The following SLC5A10 variants were observed in gnomAD, a reference collection of about 807,000 sequenced individuals.
SLC5A10 encodes the protein solute carrier family 5 member 10.
In SLC5A10, 55 loss-of-function variants were observed where a neutral mutation model predicts 68.9. The observed-to-expected ratio is 0.80, with a 90% CI of 0.64 to 1.00. The LOEUF is 1.00. Among genes scored for constraint, SLC5A10 ranks in the 50% least tolerant of loss-of-function variants. The pLI is 0.00. For missense variants in SLC5A10, 732 were observed against 819.3 expected, an observed-to-expected ratio of 0.89 and a Z score of 1.30; for synonymous variants, 344 against 344.8, an observed-to-expected ratio of 1.00 and a Z score of 0.02.
rs372313873 is a variant in SLC5A10, at chr17:18,959,606, C to T, written c.291C>T (p.Ala97=). Residue 97 remains alanine, a splice_region_variant and synonymous_variant, in exon 4 of 15, where the codon GCC becomes GCT. Coordinates refer to ENST00000395645, the MANE Select transcript of SLC5A10 (RefSeq NM_001042450.4). The part of the protein sequence containing the change: ...GLAVAGFEWN[A]TYVLLALAWV... ...CTCACCTGTCTCTGTCCCCATAGGC[C>T]ACGTACGTGCTGCTGGCACTGGCAT... The T allele has an allele frequency of 3.7e-6, 6 of 1,613,716 alleles. No homozygotes were observed. In the African/African-American group the frequency reaches 6.7e-5, roughly 18 times the overall value.
intron 9 of SLC5A10, among the ~76,000 whole-genome samples, chr17:19,007,386 T>G (rs948728675): frequency 6.6e-6 from 1 of 152,166 alleles, no homozygotes; most frequent in African/African-American, 2.4e-5. Flanking sequence ...TTTTTAACTC[T>G]TGAGTTTTAA....
chr17:18,977,932 C>G, intron 9 of SLC5A10: 2 of 1,608,406 alleles, frequency 1.2e-6, no homozygotes, highest in Non-Finnish European at 1.7e-6. Context: ...CTTCTTCCAC[C>G]CCATCCAGCC....
rs1328280100 is a variant in SLC5A10, at chr17:19,022,006, G to A, written c.*1575G>A. 12 of 1,594,348 alleles carry A rather than the reference G, an allele frequency of 7.5e-6. No homozygotes were observed. The highest frequency in any genetic ancestry group is 1.4e-5 in the African/African-American group (1 of 73,902). On this transcript the variant is annotated 3_prime_UTR_variant, in exon 15 of 15. Transcript: ENST00000395645. ...TAACTCCGTGGGAAGAAGCCAACGC[G>A]CCCGCAGGACCGGCCCCGCCACCAG...
At chr17:18,979,286 A>G (rs2043068881) in intron 9 of SLC5A10, 1 of 519,922 alleles carries the variant, frequency 1.9e-6, no homozygotes, top group South Asian at 2.3e-5. Flanking sequence ...AGTGACCCCC[A>G]TAGGCTTGCG....
At chr17:18,955,987 G>A (rs2042490867) in intron 1 of SLC5A10, among the ~76,000 whole-genome samples, 1 of 152,140 alleles carries the variant, frequency 6.6e-6, no homozygotes, top group Non-Finnish European at 1.5e-5. Flanking sequence ...CTGAGGTCGG[G>A]AGTCCAAGAC....
chr17:18,977,169 G>C, intron 9 of SLC5A10, 180 bp downstream of exon 9: 1 of 828,854 alleles, frequency 1.2e-6, no homozygotes, highest in South Asian at 1.8e-5. Flanking sequence ...ATGTGGCTTG[G>C]CACAAGGTCT....
At position 19,018,003 on chromosome 17, in the gene SLC5A10, CGGGGT is replaced by C. The variant is rs1388807782; in HGVS notation, c.1242-1416_1242-1412del. On this transcript the variant is annotated intron_variant, in intron 11 of 14. Transcript: ENST00000395645. The surrounding 1 kb of genome is among the most constrained non-coding windows in gnomAD (Gnocchi z 4.2). The stretch of plus-strand genomic sequence containing the variant: ...GGGCGGGAGAGCTGTGTGCAGAGGG[CGGGGT>C]GGGCAGGCGTTAATGGAGGCCCGCC... 6.6e-6 allele frequency: 1 copy of C among 152,530 alleles called. No individual in the cohort carries two copies. Among genetic ancestry groups the C allele is most frequent in the Non-Finnish European group, 1.5e-5 (1 of 68,410 alleles). The allele number at this position is 152,530 out of a possible 1,614,324, so 9.4% of individuals were successfully genotyped here.
In SLC5A10 at chr17:18,955,085, CAAAAAAAAAAAA is replaced by C. The variant is rs398041580; in HGVS notation, c.111+2783_111+2794del. ...TGGGCAAAAGAGTGAAACACTGTAT[CAAAAAAAAAAAA>C]AAAAAAAAAAAAAGAATTCAGGAAA... On this transcript the variant is annotated intron_variant, in intron 1 of 14. Transcript: ENST00000395645. 8.4e-5 allele frequency among the ~76,000 whole-genome samples: 10 copies of C among 118,802 alleles called. No individual in the cohort carries two copies. The East Asian group carries it at 1.6e-3, about 19-fold the overall frequency. The allele number at this position is 118,802 out of a possible 152,430, so 77.9% of individuals were successfully genotyped here. A position where few individuals can be genotyped will look rare whatever the true frequency, so the allele number is the denominator to read the frequency against.
In SLC5A10 at chr17:19,022,050, A is replaced by G; in HGVS notation, c.*1619A>G. ...CCACCAGTGGGGGTCTGGGCGCTCC[A>G]GGACCTCAATGATGTCGCCACGGCG... On this transcript the variant is annotated 3_prime_UTR_variant, in exon 15 of 15. Coordinates refer to ENST00000395645, the MANE Select transcript of SLC5A10 (RefSeq NM_001042450.4). 1 of 1,597,594 alleles carries G rather than the reference A, an allele frequency of 6.3e-7. No individual in the cohort carries two copies. Among genetic ancestry groups the G allele is most frequent in the Non-Finnish European group, 8.5e-7 (1 of 1,172,928 alleles).
chr17:19,019,445 G>T lies in SLC5A10; in HGVS notation c.1264G>T (p.Gly422Cys), dbSNP rs1450425478. ...VGRLVIVALI[G>C]VSVAWIPVLQ... ...CAGGCTGGTCATAGTGGCACTCATC[G>T]GCGTGAGTGTGGCCTGGATCCCCGT... Residue 422 changes from glycine (G) to cysteine (C), a missense_variant, in exon 12 of 15, where the codon GGC becomes TGC. Physicochemically the swap from Gly to Cys is radical, Grantham distance 159. Coordinates refer to ENST00000395645, the MANE Select transcript of SLC5A10 (RefSeq NM_001042450.4). 1.9e-6 allele frequency: 3 copies of T among 1,611,226 alleles called. No homozygotes were observed. The African/African-American group carries it at 4.0e-5, about 21-fold the overall frequency.
At chr17:19,013,131 C>T (rs1004647644) in intron 9 of SLC5A10, among the ~76,000 whole-genome samples, 8 of 152,316 alleles carry the variant, frequency 5.3e-5, no homozygotes, top group Admixed American at 2.6e-4. Flanking sequence ...ACTCTAATGG[C>T]GGACCTCACA....
At position 19,020,156 on chromosome 17, in the gene SLC5A10, T is replaced by C. The variant is rs2044236213; in HGVS notation, c.1628T>C (p.Ile543Thr). 1 of 1,368,504 alleles carries C rather than the reference T, an allele frequency of 7.3e-7. No homozygotes were observed. Among genetic ancestry groups the C allele is most frequent in the Non-Finnish European group, 9.7e-7 (1 of 1,029,730 alleles). The allele number at this position is 1,368,504 out of a possible 1,614,324, so 84.8% of individuals were successfully genotyped here. ...LLTPPPQSVQ[I>T]ENLTWWTLAQ... ...CCTATCCTCACTCATTTCTTACAGATTGAGAACCTTACCTGGTGGACCCTG... is the reference window on the plus strand; with the variant it reads ...CCTATCCTCACTCATTTCTTACAGACTGAGAACCTTACCTGGTGGACCCTG... The change falls in exon 14 of 15, where the codon ATT (isoleucine) becomes ACT (threonine). Residue 543 changes from isoleucine (I) to threonine (T), a missense_variant and splice_region_variant. Physicochemically the swap from Ile to Thr is moderately conservative, Grantham distance 89 (BLOSUM62 -1). Coordinates refer to ENST00000395645, the MANE Select transcript of SLC5A10 (RefSeq NM_001042450.4).
Position 19,020,681 on chromosome 17 carries a change from G to C in SLC5A10, c.*250G>C. 1 of 544,558 alleles carries C rather than the reference G, an allele frequency of 1.8e-6. No individual in the cohort carries two copies. The allele number at this position is 544,558 out of a possible 1,614,324, so 33.7% of individuals were successfully genotyped here. A position where few individuals can be genotyped will look rare whatever the true frequency, so the allele number is the denominator to read the frequency against. ...TTGGAAGGAAAATTAGATTTCTGAC[G>C]GACATCCTGATGTTGGTTTTACTGT... On this transcript the variant is annotated 3_prime_UTR_variant, in exon 15 of 15. Transcript: ENST00000395645.
rs1484026125 is a variant in SLC5A10, at chr17:18,971,877, A to G, written c.846+659A>G. ...CTCCTGGCTCTGCCATTCACCAGGG[A>G]GTGGGCCTAGACCAGTTGGTTTAGT... On this transcript the variant is annotated intron_variant, in intron 8 of 14. Transcript: ENST00000395645. The surrounding 1 kb of genome is among the most constrained non-coding windows in gnomAD (Gnocchi z 5.5). 1 of 969,172 alleles carries G rather than the reference A, an allele frequency of 1.0e-6. No homozygotes were observed. Among genetic ancestry groups the G allele is most frequent in the Admixed American group, 2.9e-5 (1 of 34,540 alleles). The allele number at this position is 969,172 out of a possible 1,614,324, so 60.0% of individuals were successfully genotyped here.
In SLC5A10 at chr17:19,013,482, CCTACCCCAAGCTGGT is replaced by C; in HGVS notation, c.1057_1071del (p.Tyr353_Val357del). ...GCCGAGGTCGGCTGCTCCAACATCG[CCTACCCCAAGCTGGT>C]CATGGAACTGATGCCCATCGGTGAG... is the stretch of plus-strand genomic sequence containing the variant. On this transcript the variant is annotated inframe_deletion, in exon 10 of 15. Coordinates refer to ENST00000395645, the MANE Select transcript of SLC5A10 (RefSeq NM_001042450.4). 6.4e-7 allele frequency: 1 copy of C among 1,570,080 alleles called. No individual in the cohort carries two copies. Among genetic ancestry groups the C allele is most frequent in the Non-Finnish European group, 8.6e-7 (1 of 1,158,100 alleles).
chr17:19,015,455 T>C (rs2044120265), intron 11 of SLC5A10, among the ~76,000 whole-genome samples: 2 of 152,044 alleles, frequency 1.3e-5, no homozygotes, highest in Admixed American at 1.3e-4. Context: ...CAGCCCTCCC[T>C]CCCCAACCAT....
At chr17:18,957,064 G>A (rs944455517) in intron 1 of SLC5A10, among the ~76,000 whole-genome samples, 1 of 152,130 alleles carries the variant, frequency 6.6e-6, no homozygotes, top group African/African-American at 2.4e-5. Flanking sequence ...CAGGAGAACC[G>A]CTCGAACCCG....
At chr17:18,998,488 C>T (rs757594569) in intron 9 of SLC5A10, among the ~76,000 whole-genome samples, 9 of 152,328 alleles carry the variant, frequency 5.9e-5, no homozygotes, top group Admixed American at 1.3e-4. Context: ...AGGCCCCAGC[C>T]GACTCTGAGC....
chr17:18,969,023 G>A (rs768110375), intron 5 of SLC5A10, 29 bp from the exon 6 acceptor site: 39 of 1,595,312 alleles, frequency 2.4e-5, no homozygotes, highest in Non-Finnish European at 3.2e-5. Context: ...GGGAATAACA[G>A]TCCCACACAA....
Sources: allele counts gnomAD v4.1 joint callset (sites outside exome capture counted in the v4.1 genomes callset), GRCh38; gene constraint gnomAD v4.1.1; non-coding constraint Gnocchi (gnomAD v3.1); transcripts MANE v1.5; gene names NCBI Gene and HGNC (gene_info 2026-07-23, HGNC 2026-07-21).